The following GOLGA4 variants were observed in gnomAD, a reference collection of about 807,000 sequenced individuals.
The protein encoded by GOLGA4 is golgin A4.
In GOLGA4, 169 loss-of-function variants were observed where a neutral mutation model predicts 265.9. The observed-to-expected ratio is 0.64, with a 90% CI of 0.56 to 0.72. GOLGA4 has a LOEUF of 0.72. Ranked by LOEUF, GOLGA4 falls within the 30% of genes least tolerant of loss-of-function variation. GOLGA4 has a pLI of 0.00. For synonymous variants in GOLGA4, 923 were observed against 855.8 expected, an observed-to-expected ratio of 1.08 and a Z score of -1.37; for missense variants, 2,482 against 2,483.4, an observed-to-expected ratio of 1.00 and a Z score of 0.01.
chr3:37,276,365 G>T lies in GOLGA4; in HGVS notation c.163-5593G>T, dbSNP rs187713693. 1,740 of 1,607,240 alleles carry T rather than the reference G, an allele frequency of 1.1e-3. 2 individuals carry two copies. Among genetic ancestry groups the T allele is most frequent in the Admixed American group, 2.3e-3 (137 of 59,996 alleles). On this transcript the variant is annotated intron_variant, in intron 2 of 23. Transcript: ENST00000361924. ...TCCTGACTTATTTGCTAGAATGACA[G>T]CAGAGGAAATGGCTAGTGATGAGCT... is the stretch of plus-strand genomic sequence containing the variant.
chr3:37,341,632 A>G (rs1423839651), intron 20 of GOLGA4: 1 of 152,242 alleles, frequency 6.6e-6, no homozygotes, highest in Non-Finnish European at 1.5e-5. Flanking sequence ...ATCTCAGCAT[A>G]GAACTAGACT....
intron 2 of GOLGA4, among the ~76,000 whole-genome samples, chr3:37,275,016 A>AAGGTG (rs2096810575): frequency 6.6e-6 from 1 of 151,800 alleles, no homozygotes; most frequent in African/African-American, 2.4e-5. Context: ...GTTCGAGACC[A>AAGGTG]GCCTAACCAA....
intron 16 of GOLGA4, among the ~76,000 whole-genome samples, chr3:37,333,538 C>G (rs2150993281): frequency 6.6e-6 from 1 of 152,256 alleles, no homozygotes; most frequent in Middle Eastern, 3.4e-3. Context: ...AAATGTCAGA[C>G]ATAGCTAATT....
chr3:37,351,854 T>A (rs1056717217), intron 21 of GOLGA4, among the ~76,000 whole-genome samples: 8 of 152,064 alleles, frequency 5.3e-5, no homozygotes, highest in African/African-American at 1.7e-4. Context: ...AGAGTTAGCA[T>A]AACTCTGAAG....
rs1375290747 is a variant in GOLGA4, at chr3:37,362,780, C to CCTTTTTTTTTTTTTTTTT, written c.*33+1475_*33+1476insCTTTTTTTTTTTTTTTTT. On this transcript the variant is annotated intron_variant, in intron 23 of 23. Transcript: ENST00000361924. ...CGATCTTCCTACCTCAGCCTCTAAG[C>CCTTTTTTTTTTTTTTTTT]TTTTTTTTTTTTTTTTTTTTGAGAC... 3.0e-3 allele frequency among the ~76,000 whole-genome samples: 229 copies of CCTTTTTTTTTTTTTTTTT among 75,448 alleles called. 3 individuals are homozygous for CCTTTTTTTTTTTTTTTTT. The highest frequency in any genetic ancestry group is 0.013 in the South Asian group (36 of 2,792). 49.5% of individuals were successfully genotyped at this position (75,448 alleles called of 152,430 possible). A position where few individuals can be genotyped will look rare whatever the true frequency, so the allele number is the denominator to read the frequency against.
intron 2 of GOLGA4, 108 bp from the exon 3 acceptor site, chr3:37,281,850 A>G (rs2096835510): frequency 2.5e-6 from 2 of 800,990 alleles, no homozygotes; most frequent in South Asian, 1.7e-5. Flanking sequence ...TGTCAGGAAT[A>G]TAAATTCAAC....
chr3:37,340,188 C>A lies in GOLGA4; in HGVS notation c.6461C>A (p.Thr2154Lys). Residue 2154 changes from threonine (T) to lysine (K), a missense_variant, in exon 20 of 24, where the codon ACA becomes AAA. By Grantham distance (78) the Thr-to-Lys change is moderately conservative (BLOSUM62 -1). This residue lies in a region of GOLGA4 where 942 missense variants were observed against 983.1 expected (regional missense o/e 0.96). Coordinates refer to ENST00000361924, the MANE Select transcript of GOLGA4 (RefSeq NM_002078.5). ...AATGTATATGCAACAACTGTGGGGA[C>A]ACCTTACAAAGGTAAGGATGATCTC... is the stretch of plus-strand genomic sequence containing the variant. ...EKNVYATTVG[T>K]PYKGGNLYHT... The A allele has an allele frequency of 7.3e-7, 1 of 1,367,698 alleles. No individual in the cohort carries two copies. Among genetic ancestry groups the A allele is most frequent in the Non-Finnish European group, 1.0e-6 (1 of 976,674 alleles). 84.7% of individuals were successfully genotyped at this position (1,367,698 alleles called of 1,614,324 possible). A position where few individuals can be genotyped will look rare whatever the true frequency, so the allele number is the denominator to read the frequency against.
At chr3:37,277,995 C>T (rs1001422800) in intron 2 of GOLGA4, among the ~76,000 whole-genome samples, 3 of 152,124 alleles carry the variant, frequency 2.0e-5, no homozygotes, top group Non-Finnish European at 2.9e-5. Flanking sequence ...TACCGACTCA[C>T]CTCTATTTTG....
chr3:37,323,501 A>G, intron 13 of GOLGA4, 87 bp from the exon 14 acceptor site: 1 of 718,784 alleles, frequency 1.4e-6, no homozygotes, highest in Non-Finnish European at 2.3e-6. Flanking sequence ...TTTGATCTTC[A>G]GGTAGGTGGT....
Position 37,325,558 on chromosome 3 carries a change from C to A in GOLGA4, c.3672C>A (p.Thr1224=). 6.2e-7 allele frequency: 1 copy of A among 1,613,364 alleles called. No individual in the cohort carries two copies. The highest frequency in any genetic ancestry group is 8.5e-7 in the Non-Finnish European group (1 of 1,179,522). The change falls in exon 14 of 24, where the codon ACC becomes ACA. Residue 1224 remains threonine, a synonymous_variant. Coordinates refer to ENST00000361924, the MANE Select transcript of GOLGA4 (RefSeq NM_002078.5). ...AGCTAGATATTTGCTGTAAGAAAAC[C>A]GAAGCCTTATTAGAAGCTAAAACAA... is the stretch of plus-strand genomic sequence containing the variant. ...AIQLDICCKK[T]EALLEAKTNE...
intron 3 of GOLGA4, among the ~76,000 whole-genome samples, chr3:37,282,767 A>G (rs2150773167): frequency 6.6e-6 from 1 of 152,322 alleles, no homozygotes; most frequent in Non-Finnish European, 1.5e-5. Flanking sequence ...TTTGCCTTGG[A>G]TGAATCTTTT....
At chr3:37,258,000 TATATACATAC>T (rs1396535061) in intron 2 of GOLGA4, among the ~76,000 whole-genome samples, 6 of 81,972 alleles carry the variant, frequency 7.3e-5, no homozygotes, top group South Asian at 2.8e-4. Flanking sequence ...TATATATGTA[TATATACATAC>T]ATATATATAT....
At chr3:37,295,956 G>T in intron 6 of GOLGA4, 131 bp from the exon 7 acceptor site, 1 of 710,866 alleles carries the variant, frequency 1.4e-6, no homozygotes, top group Non-Finnish European at 2.5e-6. Flanking sequence ...TTTATATAAT[G>T]GACTTGAGCT....
intron 2 of GOLGA4, among the ~76,000 whole-genome samples, chr3:37,265,235 A>C (rs1419771987): frequency 6.6e-6 from 1 of 152,098 alleles, no homozygotes; most frequent in Admixed American, 6.6e-5. Flanking sequence ...TTGTACATCT[A>C]ATTAATGTTT....
chr3:37,283,872 G>T (rs568504847), intron 3 of GOLGA4, among the ~76,000 whole-genome samples: 1 of 152,102 alleles, frequency 6.6e-6, no homozygotes, highest in African/African-American at 2.4e-5. Flanking sequence ...TACCATTCCC[G>T]TAGATGTTAA....
chr3:37,318,916 A>G (rs1350546582), intron 11 of GOLGA4, 147 bp from the exon 12 acceptor site: 14 of 549,538 alleles, frequency 2.5e-5, no homozygotes, highest in East Asian at 1.3e-4. Context: ...ACTTTGATCT[A>G]TGCAGGAAAT....
Position 37,321,580 on chromosome 3 carries a change from A to G in GOLGA4, c.1546-151A>G. On this transcript the variant is annotated intron_variant, in intron 12 of 23. Coordinates refer to ENST00000361924, the MANE Select transcript of GOLGA4 (RefSeq NM_002078.5). The stretch of plus-strand genomic sequence containing the variant: ...AAAAGCCATAGTGCCTTGTTTCTGC[A>G]GACTAGAGCATGGGAGGAGAGAGAT... 3 of 641,960 alleles carry G rather than the reference A, an allele frequency of 4.7e-6. 1 individual carries two copies. In the South Asian group the frequency reaches 8.3e-5, roughly 18 times the overall value. The allele number at this position is 641,960 out of a possible 1,614,324, so 39.8% of individuals were successfully genotyped here.
At chr3:37,345,840 G>A (rs887624507) in intron 20 of GOLGA4, among the ~76,000 whole-genome samples, 7 of 151,848 alleles carry the variant, frequency 4.6e-5, no homozygotes, top group Non-Finnish European at 7.4e-5. Flanking sequence ...TCAGCTGCTC[G>A]GTAGGCTGAG....
At position 37,298,845 on chromosome 3, in the gene GOLGA4, C is replaced by A; in HGVS notation, c.827C>A (p.Thr276Asn). Reference sequence around the variant, plus strand: ...GCTTTATTGTTAGTGGAAGATGGAACTTCTGTAAAAACACTGGAAACACTC... The same window carrying A: ...GCTTTATTGTTAGTGGAAGATGGAAATTCTGTAAAAACACTGGAAACACTC... ...SDGEPVVEDG[T>N]SVKTLETLQQ... The change falls in exon 8 of 24, where the codon ACT (threonine) becomes AAT (asparagine). Residue 276 changes from threonine to asparagine, a missense_variant. By Grantham distance (65) the Thr-to-Asn change is moderately conservative. Coordinates refer to ENST00000361924, the MANE Select transcript of GOLGA4 (RefSeq NM_002078.5). The A allele has an allele frequency of 6.2e-7, 1 of 1,603,676 alleles. No homozygotes were observed. Among genetic ancestry groups the A allele is most frequent in the Non-Finnish European group, 8.5e-7 (1 of 1,176,856 alleles).
Sources: gnomAD v4.1 joint callset for allele counts (sites outside exome capture counted in the v4.1 genomes callset) on GRCh38, gnomAD v4.1.1 for gene constraint, gnomAD v4.1.1 regional missense constraint, MANE v1.5 for transcripts, NCBI Gene and HGNC (gene_info 2026-07-23, HGNC 2026-07-21) for gene names.